Variants in ZNF536 observed in about 807,000 individuals in gnomAD.
ZNF536 encodes the protein zinc finger protein 536.
Under a neutral mutation model 84.5 loss-of-function variants are expected in ZNF536, and 13 were observed. That is an observed-to-expected ratio of 0.15 (90% CI 0.10 to 0.24). The LOEUF is 0.24. Among genes scored for constraint, ZNF536 ranks in the 10% least tolerant of loss-of-function variants. ZNF536 has a pLI of 1.00. For missense variants in ZNF536, 1,536 were observed against 1,747.5 expected, an observed-to-expected ratio of 0.88 and a Z score of 2.16; for synonymous variants, 811 against 742.5, an observed-to-expected ratio of 1.09 and a Z score of -1.50.
chr19:30,664,858 C>T (rs1308745583), intron 1 of ZNF536, among the ~76,000 whole-genome samples: 1 of 152,150 alleles, frequency 6.6e-6, no homozygotes, highest in African/African-American at 2.4e-5. Flanking sequence ...GGGCTGATGT[C>T]TGGGCTGCCA....
At chr19:30,510,627 G>A (rs1389212164) in intron 2 of ZNF536, among the ~76,000 whole-genome samples, 1 of 152,210 alleles carries the variant, frequency 6.6e-6, no homozygotes, top group African/African-American at 2.4e-5. Context: ...AGTGCTCCTC[G>A]ATGTAGAGTG....
chr19:30,228,424 TTTAA>T (rs1331669199), upstream of ZNF536: 3 of 152,066 alleles, frequency 2.0e-5, no homozygotes, highest in Non-Finnish European at 2.9e-5. This position sits in a 1 kb window ranked among gnomAD's most constrained non-coding sequence, Gnocchi z 4.5. Context: ...ACATTACCGC[TTTAA>T]TTAACTTCGA....
intron 1 of ZNF536, among the ~76,000 whole-genome samples, chr19:30,429,631 G>A (rs1315756990): frequency 3.9e-5 from 6 of 152,270 alleles, no homozygotes; most frequent in Non-Finnish European, 7.3e-5. Context: ...TATTTGCATC[G>A]TCTCTTTGGG....
chr19:30,448,248 C>T (rs965335479), intron 2 of ZNF536, among the ~76,000 whole-genome samples: 2 of 152,170 alleles, frequency 1.3e-5, no homozygotes, highest in African/African-American at 2.4e-5. Flanking sequence ...ATATACAACC[C>T]GAATCAGCTG....
At chr19:30,239,134 A>G (rs188338626) in intron 1 of ZNF536, among the ~76,000 whole-genome samples, 11 of 152,356 alleles carry the variant, frequency 7.2e-5, no homozygotes, top group Admixed American at 6.5e-4. Flanking sequence ...TTTGGAAAGT[A>G]GGGAATGCCC....
chr19:30,644,966 T>C (rs1212893556), intron 1 of ZNF536, among the ~76,000 whole-genome samples: 1 of 152,182 alleles, frequency 6.6e-6, no homozygotes, highest in Non-Finnish European at 1.5e-5. Context: ...ATGGTTGAAC[T>C]AGCTTACAGT....
chr19:30,259,575 G>T (rs2145229078), intron 1 of ZNF536, among the ~76,000 whole-genome samples: 1 of 152,280 alleles, frequency 6.6e-6, no homozygotes, highest in South Asian at 2.1e-4. Context: ...CTGCTTCAGG[G>T]GTTATAAAAT....
At chr19:30,670,065 C>G (rs954038430) in intron 1 of ZNF536, among the ~76,000 whole-genome samples, 2 of 152,212 alleles carry the variant, frequency 1.3e-5, no homozygotes, top group Admixed American at 6.5e-5. Context: ...GAGGGCGGGC[C>G]CGGGACTCAC....
At chr19:30,433,066 A>C (rs1332069633) in intron 1 of ZNF536, among the ~76,000 whole-genome samples, 1 of 152,188 alleles carries the variant, frequency 6.6e-6, no homozygotes, top group African/African-American at 2.4e-5. Context: ...AGTCTGCACC[A>C]GCCCATGCCT....
rs925638683 is a variant in ZNF536, at chr19:30,444,903, C to T, written c.1341C>T (p.Ser447=). ...GFMTPDKAGL[S]EPSQLYGKGE... is the part of the protein sequence containing the mutation. Reference sequence around the variant, plus strand: ...TGACCCCGGACAAAGCCGGCCTGAGCGAGCCCAGCCAGCTCTATGGCAAGG... The same window carrying T: ...TGACCCCGGACAAAGCCGGCCTGAGTGAGCCCAGCCAGCTCTATGGCAAGG... Residue 447 remains serine, a synonymous_variant, in exon 2 of 5, where the codon AGC becomes AGT. Transcript: ENST00000355537. 7.5e-6 allele frequency: 12 copies of T among 1,610,444 alleles called. No individual in the cohort carries two copies. The highest frequency in any genetic ancestry group is 5.3e-5 in the African/African-American group (4 of 74,858).
At chr19:30,325,908 G>T (rs937289464) in intron 2 of ZNF536, among the ~76,000 whole-genome samples, 6 of 152,096 alleles carry the variant, frequency 3.9e-5, no homozygotes, top group African/African-American at 1.4e-4. Flanking sequence ...TAACTGTGAC[G>T]GGAGGGGCTG....
chr19:30,689,889 A>T (rs1486602830), intron 1 of ZNF536, among the ~76,000 whole-genome samples: 1 of 152,248 alleles, frequency 6.6e-6, no homozygotes, highest in Non-Finnish European at 1.5e-5. Context: ...TTTTGTTGCT[A>T]GATACCAGAA....
intron 2 of ZNF536, among the ~76,000 whole-genome samples, chr19:30,479,596 C>T (rs2053988823): frequency 6.6e-6 from 1 of 152,206 alleles, no homozygotes; most frequent in African/African-American, 2.4e-5. Context: ...GTGAGGGATT[C>T]CTTCATTCAG....
At chr19:30,695,578 A>G (rs144228880) in intron 1 of ZNF536, among the ~76,000 whole-genome samples, 3 of 152,238 alleles carry the variant, frequency 2.0e-5, no homozygotes, top group African/African-American at 7.2e-5. Context: ...TCTGGTAGGA[A>G]CGACAGTGTA....
intron 2 of ZNF536, among the ~76,000 whole-genome samples, chr19:30,495,871 T>C (rs1032805727): frequency 2.0e-5 from 3 of 151,592 alleles, no homozygotes; most frequent in South Asian, 2.1e-4. Flanking sequence ...GGGGAGGGAG[T>C]CCAGACTTTG....
chr19:30,476,762 G>A (rs1225711993), intron 2 of ZNF536, among the ~76,000 whole-genome samples: 1 of 152,152 alleles, frequency 6.6e-6, no homozygotes, highest in Non-Finnish European at 1.5e-5. Flanking sequence ...CAGAGCAGAG[G>A]GATGAATGCT....
At chr19:30,422,748 C>T (rs1182245255) in intron 1 of ZNF536, among the ~76,000 whole-genome samples, 1 of 152,084 alleles carries the variant, frequency 6.6e-6, no homozygotes, top group African/African-American at 2.4e-5. Context: ...TCTTTTCTCT[C>T]TCTCTCCACC....
intron 2 of ZNF536, among the ~76,000 whole-genome samples, chr19:30,486,407 C>G (rs529044679): frequency 3.1e-4 from 47 of 152,284 alleles, no homozygotes; most frequent in Non-Finnish European, 3.7e-4. Context: ...CAGCTCCATC[C>G]ATGTCCATGC....
intron 1 of ZNF536, among the ~76,000 whole-genome samples, chr19:30,703,578 G>A (rs978210866): frequency 6.6e-6 from 1 of 152,146 alleles, no homozygotes; most frequent in Admixed American, 6.5e-5. Flanking sequence ...AAATGCCTAT[G>A]CCCCAAAGAG....
Sources: allele counts gnomAD v4.1 joint callset (sites outside exome capture counted in the v4.1 genomes callset), GRCh38; gene constraint gnomAD v4.1.1; non-coding constraint Gnocchi (gnomAD v3.1); transcripts MANE v1.5; gene names NCBI Gene and HGNC (gene_info 2026-07-23, HGNC 2026-07-21).